Variants in ST6GAL1 observed in about 807,000 individuals in gnomAD.
ST6GAL1 encodes ST6 beta-galactoside alpha-2,6-sialyltransferase 1.
A neutral mutation model predicts 38.0 loss-of-function variants in ST6GAL1; 20 were observed. That is an observed-to-expected ratio of 0.53 (90% CI 0.37 to 0.77). ST6GAL1 has a LOEUF of 0.77. Among genes scored for constraint, ST6GAL1 ranks in the 30% least tolerant of loss-of-function variants. The probability of loss-of-function intolerance (pLI) is 0.00; values close to 1 mark genes in which losing one functional copy is unlikely to be tolerated. For synonymous variants in ST6GAL1, 196 were observed against 188.2 expected, an observed-to-expected ratio of 1.04 and a Z score of -0.34; for missense variants, 432 against 496.4, an observed-to-expected ratio of 0.87 and a Z score of 1.23.
intron 2 of ST6GAL1, among the ~76,000 whole-genome samples, chr3:186,998,421 TAAGA>T (rs1228852866): frequency 6.6e-6 from 1 of 152,156 alleles, no homozygotes; most frequent in African/African-American, 2.4e-5. Context: ...AGGAAAATCA[TAAGA>T]AAGAGAAAAT....
At chr3:187,066,605 T>C (rs78299592) in intron 5 of ST6GAL1, among the ~76,000 whole-genome samples, 3,554 of 99,872 alleles carry the variant, frequency 0.036, 114 homozygotes, top group African/African-American at 0.14. Flanking sequence ...TGCGTGCGTG[T>C]GTGTGTGTGT....
At chr3:186,960,535 T>C (rs901727339) in intron 1 of ST6GAL1, among the ~76,000 whole-genome samples, 1 of 151,952 alleles carries the variant, frequency 6.6e-6, no homozygotes, top group African/African-American at 2.4e-5. Context: ...GCGTTATGAA[T>C]TAAGTGGAAA....
intron 4 of ST6GAL1, among the ~76,000 whole-genome samples, chr3:187,048,880 ATT>A (rs374148828): frequency 1.7e-3 from 201 of 115,382 alleles, no homozygotes; most frequent in African/African-American, 5.1e-3. Flanking sequence ...GAGAAATTGA[ATT>A]TTTTTTTTTT....
At chr3:187,016,947 G>A (rs1560163826) in intron 2 of ST6GAL1, among the ~76,000 whole-genome samples, 1 of 152,232 alleles carries the variant, frequency 6.6e-6, no homozygotes, top group East Asian at 1.9e-4. Context: ...TCTTTCTCCA[G>A]CAGTACTGAC....
At chr3:186,931,589 GC>G (rs1204509635) in intron 1 of ST6GAL1, among the ~76,000 whole-genome samples, 2 of 152,182 alleles carry the variant, frequency 1.3e-5, no homozygotes, top group Non-Finnish European at 2.9e-5. Context: ...GTCTAAGGGT[GC>G]CCCTCAAAAA....
chr3:186,966,777 A>T (rs1369280093), intron 2 of ST6GAL1, among the ~76,000 whole-genome samples: 1 of 152,092 alleles, frequency 6.6e-6, no homozygotes, highest in East Asian at 1.9e-4. Flanking sequence ...GGGCCCCCAG[A>T]TCTCCCCGCC....
At chr3:187,044,940 A>G (rs1469682338) in intron 4 of ST6GAL1, among the ~76,000 whole-genome samples, 2 of 152,244 alleles carry the variant, frequency 1.3e-5, no homozygotes, top group Non-Finnish European at 2.9e-5. Context: ...GTTATGGGGT[A>G]TATATCCTCT....
At chr3:186,974,073 G>T (rs115087311) in intron 2 of ST6GAL1, among the ~76,000 whole-genome samples, 6,473 of 152,286 alleles carry the variant, frequency 0.043, 161 homozygotes, top group Middle Eastern at 0.099. Context: ...GAAGCCAGTG[G>T]ATAGATACTT....
intron 2 of ST6GAL1, among the ~76,000 whole-genome samples, chr3:186,992,478 C>A (rs1235939085): frequency 1.3e-5 from 2 of 151,948 alleles, no homozygotes; most frequent in Non-Finnish European, 2.9e-5. Context: ...ACAATCATGA[C>A]CTTAAAAAAT....
intron 1 of ST6GAL1, among the ~76,000 whole-genome samples, chr3:186,944,778 G>C (rs1560136767): frequency 6.6e-6 from 1 of 152,176 alleles, no homozygotes. Flanking sequence ...CCTTCAAAAG[G>C]GTAATTGGAG....
chr3:186,940,545 GC>G (rs1714130674), intron 1 of ST6GAL1, among the ~76,000 whole-genome samples: 1 of 152,230 alleles, frequency 6.6e-6, no homozygotes, highest in African/African-American at 2.4e-5. Flanking sequence ...TTTGAATGCG[GC>G]CCAACACAAA....
chr3:186,986,031 T>G (rs1408884430), intron 2 of ST6GAL1, among the ~76,000 whole-genome samples: 1 of 152,184 alleles, frequency 6.6e-6, no homozygotes, highest in African/African-American at 2.4e-5. Context: ...ATTTTGCAAT[T>G]AGAAAGGCAG....
At chr3:186,995,845 A>T (rs1242821521) in intron 2 of ST6GAL1, among the ~76,000 whole-genome samples, 1 of 152,128 alleles carries the variant, frequency 6.6e-6, no homozygotes, top group African/African-American at 2.4e-5. Context: ...CTCTGTCTTG[A>T]GAAAAAAAAA....
chr3:187,030,139 T>C (rs1447316651), intron 2 of ST6GAL1, among the ~76,000 whole-genome samples: 5 of 152,180 alleles, frequency 3.3e-5, no homozygotes, highest in Non-Finnish European at 7.4e-5. Context: ...CAAGGAGTTA[T>C]GATAGAAACA....
intron 2 of ST6GAL1, among the ~76,000 whole-genome samples, chr3:187,020,013 G>C (rs1220096233): frequency 6.6e-6 from 1 of 152,122 alleles, no homozygotes; most frequent in Non-Finnish European, 1.5e-5. Context: ...AGAATAATCT[G>C]GTCAGCCGGG....
At chr3:187,019,661 C>G (rs921877104) in intron 2 of ST6GAL1, among the ~76,000 whole-genome samples, 2 of 152,182 alleles carry the variant, frequency 1.3e-5, no homozygotes, top group African/African-American at 2.4e-5. Context: ...AGAATCCAAG[C>G]TCTTAGAGAA....
At chr3:186,949,458 G>A (rs1346738244) in intron 1 of ST6GAL1, among the ~76,000 whole-genome samples, 1 of 152,218 alleles carries the variant, frequency 6.6e-6, no homozygotes, top group African/African-American at 2.4e-5. Context: ...CAGAGGGCTT[G>A]TGACGGCTCC....
At chr3:187,023,306 A>T (rs948856727) in intron 2 of ST6GAL1, among the ~76,000 whole-genome samples, 2 of 152,206 alleles carry the variant, frequency 1.3e-5, no homozygotes, top group South Asian at 2.1e-4. Context: ...CATATCAGTT[A>T]TCTCCTTGCA....
At chr3:186,968,454 C>T (rs1207304216) in intron 2 of ST6GAL1, among the ~76,000 whole-genome samples, 2 of 152,098 alleles carry the variant, frequency 1.3e-5, no homozygotes, top group Non-Finnish European at 2.9e-5. Context: ...AAACTATCCC[C>T]ACAATTAAGC....
Sources: allele counts gnomAD v4.1 joint callset (sites outside exome capture counted in the v4.1 genomes callset), GRCh38; gene constraint gnomAD v4.1.1; transcripts MANE v1.5; gene names NCBI Gene and HGNC (gene_info 2026-07-23, HGNC 2026-07-21).